UFL1: variants seen among roughly 807,000 people sequenced by gnomAD.
UFL1 encodes E3 UFM1-protein ligase 1.
UFL1 carries 78 observed loss-of-function variants against 99.3 expected under a neutral mutation model. That is an observed-to-expected ratio of 0.79 (90% CI 0.65 to 0.95). The LOEUF (loss-of-function observed/expected upper bound fraction) is 0.95, where lower values mean the gene tolerates loss of function less well. UFL1 is among the 40% of genes least tolerant of loss of function. UFL1 has a pLI of 0.00. For missense variants in UFL1, 936 were observed against 937.0 expected (o/e 1.00, Z 0.01); for synonymous variants, 335 against 322.2 (o/e 1.04, Z -0.42).
intron 12 of UFL1, 36 bp from the exon 13 acceptor site, chr6:96,548,128 T>C: frequency 7.3e-7 from 1 of 1,373,452 alleles, no homozygotes; most frequent in Non-Finnish European, 1.0e-6. Flanking sequence ...GTTTTTTATT[T>C]ATTTATTTAT....
chr6:96,544,733 G>A (rs1412578531), intron 12 of UFL1, among the ~76,000 whole-genome samples: 1 of 151,006 alleles, frequency 6.6e-6, no homozygotes, highest in Admixed American at 6.6e-5. Flanking sequence ...ACTGGTAAAT[G>A]GATTTTCCTG....
intron 10 of UFL1, among the ~76,000 whole-genome samples, chr6:96,539,659 A>T (rs1391671741): frequency 6.6e-6 from 1 of 151,614 alleles, no homozygotes; most frequent in Non-Finnish European, 1.5e-5. Flanking sequence ...AAGGATCATG[A>T]TACCTACTAT....
rs1769852670 is a variant in UFL1 at position 96,536,311 on chromosome 6, A to G, written c.723A>G (p.Lys241=). 6.2e-7 allele frequency: 1 copy of G among 1,611,672 alleles called. No homozygotes were observed. Among genetic ancestry groups the G allele is most frequent in the Admixed American group, 1.7e-5 (1 of 59,860 alleles). The part of the protein sequence containing the change: ...RGTVVGGRQD[K]AVFVPDIYSR... ...CTGTGGTTGGTGGGAGACAGGATAA[A>G]GCTGTGTTTGTCCCTGACATCTACT... The change falls in exon 8 of 19, where the codon AAA becomes AAG. Residue 241 remains lysine (K), a synonymous_variant. Coordinates refer to ENST00000369278, the MANE Select transcript of UFL1 (RefSeq NM_015323.5).
At chr6:96,524,094 G>A (rs1211666291) in intron 2 of UFL1, among the ~76,000 whole-genome samples, 1 of 151,704 alleles carries the variant, frequency 6.6e-6, no homozygotes. Flanking sequence ...GAATTGTGAA[G>A]GGAAATGAAT....
In UFL1 at chr6:96,540,624, T is replaced by G; in HGVS notation, c.1248T>G (p.Asp416Glu). ...AAAGCGTTAGTACAAGTAAAAAGGA[T>G]AAAAAAGATGAGCGAAGAAGGAAAG... ...TLESVSTSKK[D>E]KKDERRRKAT... The change falls in exon 11 of 19, where the codon GAT becomes GAG. Residue 416 changes from aspartate to glutamate, a missense_variant. By Grantham distance (45) the Asp-to-Glu change is conservative (BLOSUM62 2). Coordinates refer to ENST00000369278, the MANE Select transcript of UFL1 (RefSeq NM_015323.5). 2 of 1,601,878 alleles carry G rather than the reference T, an allele frequency of 1.2e-6. No homozygotes were observed. The highest frequency in any genetic ancestry group is 1.7e-6 in the Non-Finnish European group (2 of 1,175,136).
chr6:96,525,510 A>G (rs1469452207), intron 4 of UFL1, 116 bp downstream of exon 4: 3 of 777,200 alleles, frequency 3.9e-6, no homozygotes, highest in Non-Finnish European at 4.3e-6. Flanking sequence ...TAACTCTTAC[A>G]GTGTTGATTT....
Position 96,551,887 on chromosome 6 carries a change from A to G in UFL1, c.1949A>G (p.Asp650Gly), listed in dbSNP as rs1242911237. 1 of 1,610,022 alleles carries G rather than the reference A, an allele frequency of 6.2e-7. No individual in the cohort carries two copies. The highest frequency in any genetic ancestry group is 1.3e-5 in the African/African-American group (1 of 74,668). ...SCLDSAAEAC[D>G]IMVKRGDKKR... ...CTGGATTCTGCAGCAGAAGCTTGTGATATTATGGTGAAAAGGGGAGACAAA... is the reference window on the plus strand; with the variant it reads ...CTGGATTCTGCAGCAGAAGCTTGTGGTATTATGGTGAAAAGGGGAGACAAA... Residue 650 changes from aspartate to glycine, a missense_variant, in exon 17 of 19, where the codon GAT (aspartate) becomes GGT (glycine). Transcript: ENST00000369278.
Position 96,525,374 on chromosome 6 carries a change from G to A in UFL1, c.330G>A (p.Val110=), listed in dbSNP as rs759623293. The change falls in exon 4 of 19, where the codon GTG becomes GTA. Residue 110 remains valine (V), a synonymous_variant. Coordinates refer to ENST00000369278, the MANE Select transcript of UFL1 (RefSeq NM_015323.5). ...AATCAGAAAAGCATGTTCAGTTAGT[G>A]TTGGGACAACTGATAGATGAGTAAG... ...IIKSEKHVQL[V]LGQLIDENYL... 7.5e-6 allele frequency: 12 copies of A among 1,607,626 alleles called. No individual in the cohort carries two copies. Among genetic ancestry groups the A allele is most frequent in the African/African-American group, 1.3e-5 (1 of 74,430 alleles).
chr6:96,525,443 CT>C (rs760709877), intron 4 of UFL1, 49 bp downstream of exon 4: 49 of 1,438,620 alleles, frequency 3.4e-5, no homozygotes, highest in East Asian at 7.0e-5. Flanking sequence ...TATTTTCTTT[CT>C]TTTTTTTATA....
At chr6:96,552,707 C>T in intron 18 of UFL1, 45 bp downstream of exon 18, 2 of 1,515,256 alleles carry the variant, frequency 1.3e-6, no homozygotes, top group South Asian at 2.6e-5. Flanking sequence ...GATTTACATT[C>T]TGAATATTTT....
At chr6:96,552,244 C>CA (rs1770091207) in intron 17 of UFL1, among the ~76,000 whole-genome samples, 1 of 151,874 alleles carries the variant, frequency 6.6e-6, no homozygotes, top group Non-Finnish European at 1.5e-5. Context: ...CAACTCAAAA[C>CA]AAAAAACATA....
At chr6:96,534,427 A>G (rs1263572899) in intron 7 of UFL1, 106 bp downstream of exon 7, 1 of 881,912 alleles carries the variant, frequency 1.1e-6, no homozygotes, top group Non-Finnish European at 1.6e-6. Flanking sequence ...TAATGTAACT[A>G]AAATATTTCC....
chr6:96,522,975 A>C, intron 1 of UFL1, 171 bp from the exon 2 acceptor site: 1 of 520,026 alleles, frequency 1.9e-6, no homozygotes, highest in Non-Finnish European at 3.1e-6. Flanking sequence ...CTTACTCTGA[A>C]AGGTTTTTTT....
chr6:96,524,089 G>C (rs1769665691), intron 2 of UFL1, among the ~76,000 whole-genome samples: 1 of 151,774 alleles, frequency 6.6e-6, no homozygotes, highest in Non-Finnish European at 1.5e-5. Context: ...ATTCTGAATT[G>C]TGAAGGGAAA....
intron 15 of UFL1, among the ~76,000 whole-genome samples, chr6:96,550,582 T>C (rs937108234): frequency 2.0e-5 from 3 of 151,996 alleles, no homozygotes; most frequent in Non-Finnish European, 4.4e-5. Context: ...TGTTGTTTAG[T>C]TTCATGTGAC....
intron 5 of UFL1, among the ~76,000 whole-genome samples, chr6:96,527,197 T>A (rs1420966711): frequency 6.6e-6 from 1 of 152,128 alleles, no homozygotes; most frequent in African/African-American, 2.4e-5. Flanking sequence ...GGACATAAGC[T>A]TTTGAGATTT....
In UFL1 at chr6:96,553,752, C is replaced by T. The variant is rs1770115333; in HGVS notation, c.*249C>T. ...CACACAAATACTATATGAAATTTTT[C>T]ACATTATTTTCACATAATTTTAAAA... On this transcript the variant is annotated 3_prime_UTR_variant, in exon 19 of 19. Transcript: ENST00000369278. 1 of 354,998 alleles carries T rather than the reference C, an allele frequency of 2.8e-6. No individual in the cohort carries two copies. The allele number at this position is 354,998 out of a possible 1,614,324, so 22.0% of individuals were successfully genotyped here.
intron 12 of UFL1, among the ~76,000 whole-genome samples, chr6:96,544,148 A>G (rs890781935): frequency 5.3e-5 from 8 of 151,034 alleles, no homozygotes; most frequent in African/African-American, 1.9e-4. Context: ...AAATTTAAAT[A>G]GGAAACATTA....
intron 9 of UFL1, among the ~76,000 whole-genome samples, 176 bp downstream of exon 9, chr6:96,537,725 A>T (rs111685882): frequency 0.028 from 4,240 of 151,958 alleles, 174 homozygotes; most frequent in African/African-American, 0.098. Flanking sequence ...GACCTTCTAC[A>T]TGTGGACAGT....
Sources: allele counts gnomAD v4.1 joint callset (sites outside exome capture counted in the v4.1 genomes callset), GRCh38; gene constraint gnomAD v4.1.1; transcripts MANE v1.5; gene names NCBI Gene and HGNC (gene_info 2026-07-23, HGNC 2026-07-21).